Variants in GSTT4 observed in about 807,000 individuals in gnomAD.
GSTT4 encodes glutathione S-transferase theta 4, also known as glutathione S-transferase theta-4.
chr22:23,996,327 T>C (rs2034114637), downstream of GSTT4, among the ~76,000 whole-genome samples: 1 of 152,154 alleles, frequency 6.6e-6, no homozygotes, highest in Non-Finnish European at 1.5e-5. Context: ...GTTTTACTTC[T>C]TTCTTTCTGA....
chr22:23,991,096 T>C, the GSTT4 span, among the ~76,000 whole-genome samples: 1 of 81,558 alleles, frequency 1.2e-5, no homozygotes, highest in African/African-American at 3.7e-5. Context: ...GAGGATCGCT[T>C]AAGCCTGGAA....
downstream of GSTT4, among the ~76,000 whole-genome samples, chr22:23,995,083 G>A (rs1288041426): frequency 6.6e-6 from 1 of 152,046 alleles, no homozygotes; most frequent in Non-Finnish European, 1.5e-5. Context: ...CCTCCATGAT[G>A]TTTGTAGCTG....
At position 23,998,505 on chromosome 22, in the gene GSTT4, A is replaced by G. The variant is rs2034151579; in HGVS notation, c.*37T>C. 9.1e-6 allele frequency: 1 copy of G among 109,750 alleles called. No homozygotes were observed. Among genetic ancestry groups the G allele is most frequent in the African/African-American group, 3.3e-5 (1 of 30,098 alleles). The allele number at this position is 109,750 out of a possible 1,614,324, so 6.8% of individuals were successfully genotyped here. The stretch of plus-strand genomic sequence containing the variant: ...TTAAGGAAGGTGGCTCAGATTGCTA[A>G]GCCAGCCAGGCCCTGCGGGACAGGC... On this transcript the variant is annotated 3_prime_UTR_variant, in exon 5 of 5. Coordinates refer to ENST00000621179, the MANE Select transcript of GSTT4 (RefSeq NM_001358664.2).
chr22:23,995,138 T>TC (rs1180974098), downstream of GSTT4, among the ~76,000 whole-genome samples: 5 of 142,724 alleles, frequency 3.5e-5, no homozygotes, highest in African/African-American at 1.4e-4. Flanking sequence ...TTTTTGTTTG[T>TC]TTGTTTTTTT....
the GSTT4 span, among the ~76,000 whole-genome samples, chr22:23,991,019 T>C: frequency 2.0e-5 from 2 of 100,098 alleles, 1 homozygote; most frequent in Non-Finnish European, 4.7e-5. Flanking sequence ...ATAATAATAA[T>C]AATAATAAAT....
chr22:24,002,256 G>A (rs2034246540), intron 2 of GSTT4, among the ~76,000 whole-genome samples: 1 of 152,266 alleles, frequency 6.6e-6, no homozygotes, highest in Admixed American at 6.5e-5. Flanking sequence ...GGGTGAGCCC[G>A]AGGGGGCAGA....
chr22:24,004,727 G>A (rs1342378839), intron 1 of GSTT4: 1 of 153,580 alleles, frequency 6.5e-6, no homozygotes, highest in Admixed American at 6.5e-5. Flanking sequence ...TCCTCGAAAA[G>A]CCTGTTCATC....
intron 2 of GSTT4, among the ~76,000 whole-genome samples, chr22:24,002,106 G>A (rs890720116): frequency 2.0e-5 from 3 of 152,294 alleles, no homozygotes; most frequent in Non-Finnish European, 2.9e-5. Flanking sequence ...TGATTGGGGA[G>A]TGATGAGGCA....
At chr22:23,998,935 G>A (rs2034166127) in intron 4 of GSTT4, among the ~76,000 whole-genome samples, 196 bp from the exon 5 acceptor site, 1 of 152,248 alleles carries the variant, frequency 6.6e-6, no homozygotes, top group Admixed American at 6.5e-5. Flanking sequence ...ATCCCTCAGA[G>A]TCCTCAGTCA....
chr22:24,001,623 T>C (rs1032570828), intron 2 of GSTT4, among the ~76,000 whole-genome samples: 1 of 152,354 alleles, frequency 6.6e-6, no homozygotes, highest in African/African-American at 2.4e-5. Flanking sequence ...TCCCAGGAAT[T>C]TGGGGCTACT....
intron 2 of GSTT4, among the ~76,000 whole-genome samples, chr22:24,002,410 G>A (rs587656321): frequency 6.6e-6 from 1 of 152,372 alleles, no homozygotes; most frequent in African/African-American, 2.4e-5. Context: ...GGCTGGTGTG[G>A]GAACCTCCGC....
downstream of GSTT4, among the ~76,000 whole-genome samples, chr22:23,994,868 C>T (rs1268666066): frequency 6.6e-6 from 1 of 151,948 alleles, no homozygotes; most frequent in Non-Finnish European, 1.5e-5. Context: ...GCTACCCTTC[C>T]CCTTGAAGAA....
At chr22:23,992,021 C>G in the GSTT4 span, among the ~76,000 whole-genome samples, 1 of 135,536 alleles carries the variant, frequency 7.4e-6, no homozygotes, top group African/African-American at 2.6e-5. Context: ...CCACTGCACT[C>G]CAGCCTGGGC....
chr22:23,992,153 G>T, the GSTT4 span, among the ~76,000 whole-genome samples: 1 of 142,554 alleles, frequency 7.0e-6, no homozygotes, highest in African/African-American at 2.6e-5. Flanking sequence ...AGAGAGGAAG[G>T]GTGGCTGACT....
rs915308272 is a variant in GSTT4 at position 23,998,489 on chromosome 22, G to A, written c.*53C>T. On this transcript the variant is annotated 3_prime_UTR_variant, in exon 5 of 5. Transcript: ENST00000621179. The stretch of plus-strand genomic sequence containing the variant: ...TTTTTTAACATTTCCTTTAAGGAAG[G>A]TGGCTCAGATTGCTAAGCCAGCCAG... 2 of 95,004 alleles carry A rather than the reference G, an allele frequency of 2.1e-5. No individual in the cohort carries two copies. The highest frequency in any genetic ancestry group is 7.5e-5 in the African/African-American group (2 of 26,582). The allele number at this position is 95,004 out of a possible 1,614,324, so 5.9% of individuals were successfully genotyped here.
At chr22:23,990,526 T>A in the GSTT4 span, among the ~76,000 whole-genome samples, 1 of 59,860 alleles carries the variant, frequency 1.7e-5, no homozygotes, top group Non-Finnish European at 3.6e-5. Flanking sequence ...TTAGGAGGAG[T>A]AAGTTGGGAG....
chr22:23,992,488 G>A, the GSTT4 span, among the ~76,000 whole-genome samples: 1 of 150,386 alleles, frequency 6.6e-6, no homozygotes, highest in Non-Finnish European at 1.5e-5. Context: ...CCACACTCAA[G>A]GGGAGGGGAC....
downstream of GSTT4, among the ~76,000 whole-genome samples, chr22:23,997,235 T>C (rs2034124929): frequency 1.3e-5 from 2 of 151,996 alleles, no homozygotes; most frequent in African/African-American, 4.8e-5. Flanking sequence ...GTTTGTTTTT[T>C]GAGATAAGGT....
downstream of GSTT4, among the ~76,000 whole-genome samples, chr22:23,994,225 T>G (rs1189986522): frequency 6.6e-6 from 1 of 152,098 alleles, no homozygotes; most frequent in Non-Finnish European, 1.5e-5. Flanking sequence ...CATATTTTCA[T>G]TATCAGATAT....
Sources: gnomAD v4.1 joint callset for allele counts (sites outside exome capture counted in the v4.1 genomes callset) on GRCh38, gnomAD v4.1.1 for gene constraint, MANE v1.5 for transcripts, NCBI Gene and HGNC (gene_info 2026-07-23, HGNC 2026-07-21) for gene names.